FBXW7: variants seen among roughly 807,000 people sequenced by gnomAD.
FBXW7 encodes the protein F-box/WD repeat-containing protein 7.
A neutral mutation model predicts 86.3 loss-of-function variants in FBXW7; 11 were observed. The observed-to-expected ratio is 0.13, with a 90% CI of 0.08 to 0.21. The LOEUF is 0.21. Among genes scored for constraint, FBXW7 ranks in the 10% least tolerant of loss-of-function variants. The probability of loss-of-function intolerance (pLI) is 1.00; values close to 1 mark genes in which losing one functional copy is unlikely to be tolerated. For missense variants in FBXW7, 488 were observed against 847.4 expected (o/e 0.58, Z 5.27); for synonymous variants, 313 against 297.9 (o/e 1.05, Z -0.52).
chr4:152,432,535 G>A (rs551888140), intron 2 of FBXW7, among the ~76,000 whole-genome samples: 5 of 152,076 alleles, frequency 3.3e-5, no homozygotes, highest in Non-Finnish European at 7.4e-5. Context: ...AGCCAGGTGC[G>A]GTGGCTCATG....
At chr4:152,364,680 T>C (rs1194439473) in intron 4 of FBXW7, among the ~76,000 whole-genome samples, 1 of 152,186 alleles carries the variant, frequency 6.6e-6, no homozygotes, top group Non-Finnish European at 1.5e-5. Context: ...TTGGGCCCTG[T>C]TTCTTAACTT....
intron 2 of FBXW7, among the ~76,000 whole-genome samples, chr4:152,413,082 A>G (rs1222011673): frequency 1.3e-5 from 2 of 152,058 alleles, no homozygotes; most frequent in Non-Finnish European, 2.9e-5. Flanking sequence ...GTGATCTAAA[A>G]CTTGAAACTG....
chr4:152,370,516 T>C (rs1325376327), intron 4 of FBXW7, among the ~76,000 whole-genome samples: 1 of 152,030 alleles, frequency 6.6e-6, no homozygotes, highest in African/African-American at 2.4e-5. Context: ...AGTAAATTCC[T>C]AATGAATGCA....
At chr4:152,360,486 A>T (rs1732831709) in intron 4 of FBXW7, among the ~76,000 whole-genome samples, 1 of 152,194 alleles carries the variant, frequency 6.6e-6, no homozygotes, top group Non-Finnish European at 1.5e-5. Flanking sequence ...TCTTGCCAAC[A>T]TGTGACTGAA....
intron 2 of FBXW7, among the ~76,000 whole-genome samples, chr4:152,420,737 T>G (rs529679331): frequency 2.8e-4 from 43 of 152,286 alleles, no homozygotes; most frequent in African/African-American, 9.9e-4. Context: ...AAGGAATCTT[T>G]CACTGAGAGC....
At chr4:152,382,989 T>A (rs1005634971) in intron 4 of FBXW7, among the ~76,000 whole-genome samples, 1 of 152,130 alleles carries the variant, frequency 6.6e-6, no homozygotes, top group Non-Finnish European at 1.5e-5. Context: ...ACACCATTCT[T>A]TATCTCATAC....
chr4:152,435,139 G>C (rs538587716), intron 2 of FBXW7, among the ~76,000 whole-genome samples: 1 of 143,950 alleles, frequency 6.9e-6, no homozygotes, highest in Admixed American at 7.2e-5. Flanking sequence ...TACCAAACAC[G>C]TAAGTATGCA....
At chr4:152,499,063 C>A (rs1464606035) in intron 2 of FBXW7, among the ~76,000 whole-genome samples, 1 of 152,038 alleles carries the variant, frequency 6.6e-6, no homozygotes, top group South Asian at 2.1e-4. Context: ...TATCAGAGAA[C>A]TGAAGAATCC....
At chr4:152,388,582 C>T (rs1165642731) in intron 4 of FBXW7, among the ~76,000 whole-genome samples, 1 of 152,026 alleles carries the variant, frequency 6.6e-6, no homozygotes, top group Non-Finnish European at 1.5e-5. Flanking sequence ...AAGTAAAACA[C>T]AGAAAACCAA....
intron 2 of FBXW7, among the ~76,000 whole-genome samples, chr4:152,441,744 A>C (rs1740913317): frequency 1.3e-5 from 2 of 152,216 alleles, no homozygotes; most frequent in Admixed American, 1.3e-4. Context: ...TGATTCTAAA[A>C]AATAAATTTT....
intron 2 of FBXW7, among the ~76,000 whole-genome samples, chr4:152,506,422 C>T (rs1036579309): frequency 1.3e-5 from 2 of 152,310 alleles, no homozygotes; most frequent in East Asian, 3.9e-4. Flanking sequence ...TGAGCCACCG[C>T]GCCCGGCCAT....
chr4:152,460,171 C>G (rs1335207602), intron 2 of FBXW7, among the ~76,000 whole-genome samples: 6 of 151,968 alleles, frequency 3.9e-5, no homozygotes, highest in Non-Finnish European at 5.9e-5. Context: ...TTTTAGAAAC[C>G]TATTATACAT....
chr4:152,452,001 G>A (rs1336912634), intron 2 of FBXW7, among the ~76,000 whole-genome samples: 1 of 151,968 alleles, frequency 6.6e-6, no homozygotes, highest in African/African-American at 2.4e-5. Flanking sequence ...TGTTACTTAT[G>A]TTTTTTACTC....
At chr4:152,383,680 T>C (rs887635149) in intron 4 of FBXW7, among the ~76,000 whole-genome samples, 2 of 152,154 alleles carry the variant, frequency 1.3e-5, no homozygotes, top group African/African-American at 4.8e-5. Flanking sequence ...AGAAAGGATT[T>C]GAAAGGAGAA....
intron 2 of FBXW7, among the ~76,000 whole-genome samples, chr4:152,453,776 T>A (rs1343366665): frequency 6.6e-6 from 1 of 152,200 alleles, no homozygotes; most frequent in African/African-American, 2.4e-5. Context: ...TTTTTCAGCA[T>A]GTGTTAGTTT....
intron 2 of FBXW7, among the ~76,000 whole-genome samples, chr4:152,415,081 C>T (rs1377113663): frequency 6.6e-6 from 1 of 152,010 alleles, no homozygotes; most frequent in Non-Finnish European, 1.5e-5. Context: ...ATTTGAAATG[C>T]TTATTCTAGG....
chr4:152,355,274 T>C (rs148023853), intron 4 of FBXW7, among the ~76,000 whole-genome samples: 36 of 152,230 alleles, frequency 2.4e-4, no homozygotes, highest in African/African-American at 7.2e-4. Context: ...TTTGGTAATA[T>C]AATATTTAAA....
chr4:152,386,746 T>C (rs763977530), intron 4 of FBXW7, among the ~76,000 whole-genome samples: 2 of 152,126 alleles, frequency 1.3e-5, no homozygotes, highest in Non-Finnish European at 2.9e-5. Context: ...GAACTTGTAG[T>C]AAAGAAAAGG....
chr4:152,414,758 A>C lies in FBXW7; in HGVS notation c.-119-2229T>G, dbSNP rs35589791. On this transcript the variant is annotated intron_variant, in intron 2 of 13. Transcript: ENST00000281708. ...TCTTTCAAGGTAGTGGAAAGTCCAG[A>C]GAGGTCCTGACCTATGGGTACTTTA... 2.0e-4 allele frequency among the ~76,000 whole-genome samples: 31 copies of C among 151,968 alleles called. 2 individuals are homozygous for C. The South Asian group carries it at 4.6e-3, about 22-fold the overall frequency.
Sources: gnomAD v4.1 joint callset for allele counts (sites outside exome capture counted in the v4.1 genomes callset) on GRCh38, gnomAD v4.1.1 for gene constraint, MANE v1.5 for transcripts, NCBI Gene and HGNC (gene_info 2026-07-23, HGNC 2026-07-21) for gene names.